The following LEKR1 variants were observed in gnomAD, a reference collection of about 807,000 sequenced individuals.
LEKR1 encodes leucine, glutamate and lysine rich 1, also known as protein LEKR1.
LEKR1 carries 59 observed loss-of-function variants against 72.4 expected under a neutral mutation model. The ratio of observed to expected loss-of-function variants is 0.82; its 90% CI spans 0.66 to 1.01. The LOEUF (loss-of-function observed/expected upper bound fraction) is 1.01. Ranked by LOEUF, LEKR1 falls within the 50% of genes least tolerant of loss-of-function variation. The pLI is 0.00. For synonymous variants in LEKR1, 257 were observed against 263.2 expected, an observed-to-expected ratio of 0.98 and a Z score of 0.23; for missense variants, 728 against 759.2, an observed-to-expected ratio of 0.96 and a Z score of 0.48.
intron 6 of LEKR1, among the ~76,000 whole-genome samples, chr3:156,951,403 G>A (rs1727143835): frequency 6.6e-6 from 1 of 150,998 alleles, no homozygotes; most frequent in Non-Finnish European, 1.5e-5. Context: ...CTTCCTCCTC[G>A]ATTCTTTGGA....
At chr3:156,976,142 A>G (rs565542467) in intron 6 of LEKR1, among the ~76,000 whole-genome samples, 1 of 152,302 alleles carries the variant, frequency 6.6e-6, no homozygotes, top group South Asian at 2.1e-4. Flanking sequence ...ACCAGAACCT[A>G]TAGTGAACTA....
intron 12 of LEKR1, among the ~76,000 whole-genome samples, chr3:157,038,391 C>A (rs1476426485): frequency 1.3e-5 from 2 of 152,090 alleles, no homozygotes; most frequent in Non-Finnish European, 2.9e-5. Flanking sequence ...CTTAATATGC[C>A]TGTTAGATAC....
chr3:156,841,824 C>T (rs1006645326), intron 2 of LEKR1, among the ~76,000 whole-genome samples: 17 of 152,122 alleles, frequency 1.1e-4, no homozygotes, highest in African/African-American at 3.6e-4. Flanking sequence ...ATTTAATCAG[C>T]TGCGTGTGTT....
At chr3:156,942,785 C>A in intron 6 of LEKR1, 71 bp downstream of exon 6, 1 of 643,232 alleles carries the variant, frequency 1.6e-6, no homozygotes, top group Non-Finnish European at 2.3e-6. Context: ...TACATTTTTA[C>A]TTATAATTAC....
chr3:156,949,678 A>G (rs568907215), intron 6 of LEKR1, among the ~76,000 whole-genome samples: 21 of 151,408 alleles, frequency 1.4e-4, no homozygotes, highest in Admixed American at 8.6e-4. Context: ...CAAGGATTTT[A>G]CAAGAATTCT....
intron 5 of LEKR1, among the ~76,000 whole-genome samples, chr3:156,934,565 T>C (rs563400682): frequency 5.9e-5 from 9 of 152,202 alleles, no homozygotes; most frequent in Non-Finnish European, 1.2e-4. Flanking sequence ...AGTTTGGAAG[T>C]TTTTTATTGA....
At chr3:156,988,871 G>T (rs960898645) in intron 7 of LEKR1, among the ~76,000 whole-genome samples, 9 of 151,484 alleles carry the variant, frequency 5.9e-5, no homozygotes, top group African/African-American at 2.2e-4. Context: ...TCGCACTGTC[G>T]CCCAGGCTGG....
chr3:156,994,401 G>A (rs145359639), intron 9 of LEKR1, among the ~76,000 whole-genome samples: 43 of 152,106 alleles, frequency 2.8e-4, no homozygotes, highest in Non-Finnish European at 5.4e-4. Context: ...CTTATCTCTC[G>A]TCCGTCCTGG....
At chr3:156,865,691 T>C (rs1717231850) in intron 3 of LEKR1, among the ~76,000 whole-genome samples, 1 of 152,010 alleles carries the variant, frequency 6.6e-6, no homozygotes, top group Non-Finnish European at 1.5e-5. Flanking sequence ...GTATCTGTCA[T>C]AGGTTCATGT....
chr3:156,945,527 G>T (rs1396363059), intron 6 of LEKR1, among the ~76,000 whole-genome samples: 1 of 151,710 alleles, frequency 6.6e-6, no homozygotes, highest in African/African-American at 2.4e-5. Context: ...CTTTTGCCTA[G>T]TCCAATGTCC....
chr3:156,972,843 A>G (rs79684440), intron 6 of LEKR1, among the ~76,000 whole-genome samples: 7,355 of 151,910 alleles, frequency 0.048, 628 homozygotes, highest in African/African-American at 0.17. Context: ...TGAGTTATTA[A>G]TTTGTTATTT....
chr3:156,963,244 CT>C, intron 6 of LEKR1, among the ~76,000 whole-genome samples: 1 of 152,168 alleles, frequency 6.6e-6, no homozygotes, highest in East Asian at 1.9e-4. Flanking sequence ...TCATACACGG[CT>C]TCTATACTAA....
chr3:157,040,492 A>G (rs1328563928), intron 12 of LEKR1, among the ~76,000 whole-genome samples: 4 of 152,224 alleles, frequency 2.6e-5, no homozygotes, highest in African/African-American at 9.6e-5. Flanking sequence ...TCTCTTACCA[A>G]AAGGCCATTT....
At chr3:156,974,455 C>T (rs1388870022) in intron 6 of LEKR1, among the ~76,000 whole-genome samples, 3 of 152,076 alleles carry the variant, frequency 2.0e-5, no homozygotes, top group Non-Finnish European at 4.4e-5. Flanking sequence ...ATATTAAAAA[C>T]GAAACAAAAC....
At chr3:156,995,436 C>T (rs1731486420) in intron 9 of LEKR1, among the ~76,000 whole-genome samples, 1 of 151,996 alleles carries the variant, frequency 6.6e-6, no homozygotes, top group Non-Finnish European at 1.5e-5. Context: ...TGTATTATTG[C>T]CCTTGTACTT....
chr3:157,030,466 T>G (rs1227915962), intron 12 of LEKR1, among the ~76,000 whole-genome samples: 1 of 151,994 alleles, frequency 6.6e-6, no homozygotes, highest in Non-Finnish European at 1.5e-5. Context: ...TAAAGAAAAC[T>G]TTGCATGAGT....
chr3:156,848,034 A>G (rs535457640), intron 2 of LEKR1, among the ~76,000 whole-genome samples: 23 of 152,380 alleles, frequency 1.5e-4, no homozygotes, highest in African/African-American at 5.3e-4. Context: ...AAGATAGGAC[A>G]CTTTGCCAGG....
At chr3:156,988,175 G>T in intron 7 of LEKR1, 1 of 184,486 alleles carries the variant, frequency 5.4e-6, no homozygotes, top group Non-Finnish European at 1.2e-5. Flanking sequence ...AGCCCATTGT[G>T]CAAGCTCTGG....
chr3:156,931,797 A>G (rs759466460), intron 5 of LEKR1, among the ~76,000 whole-genome samples: 1 of 151,636 alleles, frequency 6.6e-6, no homozygotes, highest in Non-Finnish European at 1.5e-5. Context: ...AGGCAAAACT[A>G]ATCTACACTG....
Sources: allele counts gnomAD v4.1 joint callset (sites outside exome capture counted in the v4.1 genomes callset), GRCh38; gene constraint gnomAD v4.1.1; transcripts MANE v1.5; gene names NCBI Gene and HGNC (gene_info 2026-07-23, HGNC 2026-07-21).